Variants in RAP1GDS1 observed in about 807,000 individuals in gnomAD.
RAP1GDS1 encodes RAP1, GTP-GDP dissociation stimulator 1.
RAP1GDS1 carries 35 observed loss-of-function variants against 71.1 expected under a neutral mutation model. The observed-to-expected ratio is 0.49, with a 90% CI of 0.38 to 0.65. The LOEUF (loss-of-function observed/expected upper bound fraction) is 0.65, where lower values mean the gene tolerates loss of function less well. RAP1GDS1 is among the 30% of genes least tolerant of loss of function. The pLI is 0.00. For missense variants in RAP1GDS1, 663 were observed against 706.1 expected, an observed-to-expected ratio of 0.94 and a Z score of 0.69; for synonymous variants, 229 against 243.1, an observed-to-expected ratio of 0.94 and a Z score of 0.54.
chr4:98,321,231 A>G (rs1398209828), intron 2 of RAP1GDS1, among the ~76,000 whole-genome samples: 15 of 144,662 alleles, frequency 1.0e-4, no homozygotes, highest in African/African-American at 2.8e-4. Context: ...AAAAAGAATA[A>G]AAAGAAATGA....
At chr4:98,403,831 A>C (rs750816303) in intron 6 of RAP1GDS1, among the ~76,000 whole-genome samples, 1 of 152,210 alleles carries the variant, frequency 6.6e-6, no homozygotes, top group African/African-American at 2.4e-5. Context: ...TTAGTAATGC[A>C]TGTGAGTTGA....
chr4:98,380,783 GAA>G (rs1741886792), intron 5 of RAP1GDS1, among the ~76,000 whole-genome samples: 1 of 151,662 alleles, frequency 6.6e-6, no homozygotes, highest in Non-Finnish European at 1.5e-5. Flanking sequence ...CACTAAATGG[GAA>G]AAAGTTTTAG....
chr4:98,316,024 T>A (rs992927604), intron 2 of RAP1GDS1, among the ~76,000 whole-genome samples: 1 of 151,968 alleles, frequency 6.6e-6, no homozygotes, highest in Non-Finnish European at 1.5e-5. Context: ...GATTATAAAT[T>A]ATGAATTTGT....
intron 2 of RAP1GDS1, among the ~76,000 whole-genome samples, chr4:98,330,525 G>A (rs1347462315): frequency 6.7e-6 from 1 of 148,964 alleles, no homozygotes; most frequent in African/African-American, 2.5e-5. Context: ...GCCGGGTAAA[G>A]GCGCTCCTCA....
At chr4:98,272,328 C>T (rs138972567) in intron 1 of RAP1GDS1, among the ~76,000 whole-genome samples, 151 of 152,232 alleles carry the variant, frequency 9.9e-4, no homozygotes, top group African/African-American at 3.2e-3. Context: ...ATCCATGCTT[C>T]GGGATTTATC....
At chr4:98,289,572 A>AAG (rs1726608807) in intron 1 of RAP1GDS1, among the ~76,000 whole-genome samples, 1 of 148,180 alleles carries the variant, frequency 6.7e-6, no homozygotes, top group South Asian at 2.1e-4. Flanking sequence ...AAAAAAAAAA[A>AAG]AAAGAAAGAA....
At chr4:98,386,950 C>T (rs1166880721) in intron 5 of RAP1GDS1, among the ~76,000 whole-genome samples, 1 of 152,006 alleles carries the variant, frequency 6.6e-6, no homozygotes, top group Non-Finnish European at 1.5e-5. Flanking sequence ...GTCATTAAAT[C>T]AAAGGTAGTT....
At chr4:98,416,969 C>T (rs1192693683) in intron 8 of RAP1GDS1, 81 bp downstream of exon 8, 2 of 1,455,796 alleles carry the variant, frequency 1.4e-6, no homozygotes, top group Admixed American at 4.1e-5. Flanking sequence ...AAATACTACC[C>T]TAGACATTTT....
chr4:98,396,513 C>G (rs1206472226), intron 6 of RAP1GDS1: 1 of 152,146 alleles, frequency 6.6e-6, no homozygotes, highest in African/African-American at 2.4e-5. Flanking sequence ...CTAGTCTCCC[C>G]CAGTCTATGT....
Position 98,431,919 on chromosome 4 carries a change from G to A in RAP1GDS1, c.1441-2017G>A, listed in dbSNP as rs189888786. Among the ~76,000 whole-genome samples the A allele has an allele frequency of 2.0e-4, 30 of 152,256 alleles. No individual in the cohort carries two copies. In the South Asian group the frequency reaches 2.1e-3, roughly 11 times the overall value. ...CAATAAACATTTGTTGAAGTAGTTG[G>A]TGAGAGGGCAGGAATTTTTTTTTTT... On this transcript the variant is annotated intron_variant, in intron 12 of 14. Coordinates refer to ENST00000408927, the MANE Select transcript of RAP1GDS1 (RefSeq NM_001100427.2).
At chr4:98,428,877 A>G (rs1326867393) in intron 12 of RAP1GDS1, among the ~76,000 whole-genome samples, 1 of 152,216 alleles carries the variant, frequency 6.6e-6, no homozygotes, top group African/African-American at 2.4e-5. Context: ...TATACAAAAA[A>G]TATACTTGCA....
chr4:98,398,280 A>G (rs1207944682), intron 6 of RAP1GDS1, among the ~76,000 whole-genome samples: 1 of 152,156 alleles, frequency 6.6e-6, no homozygotes, highest in African/African-American at 2.4e-5. Flanking sequence ...GATCAGACCA[A>G]GAGTATTAGA....
At chr4:98,267,435 C>T (rs1012798570) in intron 1 of RAP1GDS1, among the ~76,000 whole-genome samples, 2 of 152,114 alleles carry the variant, frequency 1.3e-5, no homozygotes, top group Admixed American at 1.3e-4. Flanking sequence ...TGAATAATCC[C>T]ATCACCCAGG....
At chr4:98,391,658 C>T (rs535175792) in intron 5 of RAP1GDS1, among the ~76,000 whole-genome samples, 1 of 152,112 alleles carries the variant, frequency 6.6e-6, no homozygotes, top group African/African-American at 2.4e-5. Flanking sequence ...TATTAAAAGC[C>T]TGCTTTTTAA....
chr4:98,393,747 T>C (rs1231914429), intron 6 of RAP1GDS1, among the ~76,000 whole-genome samples: 5 of 152,214 alleles, frequency 3.3e-5, no homozygotes, highest in African/African-American at 2.4e-5. Flanking sequence ...ATGTGTTCAG[T>C]ATAAAATACA....
At chr4:98,325,858 C>T (rs918370127) in intron 2 of RAP1GDS1, among the ~76,000 whole-genome samples, 4 of 150,260 alleles carry the variant, frequency 2.7e-5, no homozygotes, top group Middle Eastern at 3.4e-3. Context: ...ACCAGCATGG[C>T]ACATGTATAC....
intron 2 of RAP1GDS1, among the ~76,000 whole-genome samples, chr4:98,294,824 T>G (rs992724126): frequency 6.6e-6 from 1 of 152,112 alleles, no homozygotes; most frequent in African/African-American, 2.4e-5. Context: ...CCTGATTTTT[T>G]TTTACATGTG....
At chr4:98,307,203 G>A (rs1219636174) in intron 2 of RAP1GDS1, among the ~76,000 whole-genome samples, 3 of 151,306 alleles carry the variant, frequency 2.0e-5, no homozygotes, top group Non-Finnish European at 2.9e-5. Flanking sequence ...TTCTATCATG[G>A]AATAACCATT....
At chr4:98,353,019 A>G (rs1737440308) in intron 4 of RAP1GDS1, among the ~76,000 whole-genome samples, 1 of 152,226 alleles carries the variant, frequency 6.6e-6, no homozygotes, top group Non-Finnish European at 1.5e-5. Context: ...AAAACCAATC[A>G]TAAAAACCAT....
Sources: allele counts gnomAD v4.1 joint callset (sites outside exome capture counted in the v4.1 genomes callset), GRCh38; gene constraint gnomAD v4.1.1; transcripts MANE v1.5; gene names NCBI Gene and HGNC (gene_info 2026-07-23, HGNC 2026-07-21).